KLHL20: variants seen among roughly 807,000 people sequenced by gnomAD.
KLHL20 encodes the protein kelch like family member 20, also known as kelch-like protein 20.
A neutral mutation model predicts 69.5 loss-of-function variants in KLHL20; 29 were observed. The ratio of observed to expected loss-of-function variants is 0.42; its 90% confidence interval spans 0.31 to 0.57. KLHL20 has a LOEUF of 0.57. Ranked by LOEUF, KLHL20 falls within the 20% of genes least tolerant of loss-of-function variation. KLHL20 has a pLI of 0.18. For missense variants in KLHL20, 419 were observed against 776.0 expected (o/e 0.54, Z 5.47); for synonymous variants, 253 against 265.2 (o/e 0.95, Z 0.45).
At chr1:173,778,893 C>G (rs546412369) in intron 10 of KLHL20, among the ~76,000 whole-genome samples, 2 of 151,802 alleles carry the variant, frequency 1.3e-5, no homozygotes, top group African/African-American at 4.8e-5. Context: ...TTTTGTTTAT[C>G]TTTCAAAAGT....
rs777436353 is a variant in KLHL20, at chr1:173,785,251, C to CAG, written c.*8_*9dup. 1.9e-6 allele frequency: 3 copies of CAG among 1,602,178 alleles called. No homozygotes were observed. The highest frequency in any genetic ancestry group is 2.6e-6 in the Non-Finnish European group (3 of 1,171,940). ...TTGTGAATCCCATATTTGGTGAACACAGAGAAGACAGTCTTGTATATATTC... is the reference window on the plus strand; with the variant it reads ...TTGTGAATCCCATATTTGGTGAACACAGAGAGAAGACAGTCTTGTATATATTC... On this transcript the variant is annotated 3_prime_UTR_variant, in exon 12 of 12. Coordinates refer to ENST00000209884, the MANE Select transcript of KLHL20 (RefSeq NM_014458.4).
chr1:173,732,493 G>T (rs1672333195), intron 2 of KLHL20, among the ~76,000 whole-genome samples: 1 of 152,108 alleles, frequency 6.6e-6, no homozygotes, highest in Non-Finnish European at 1.5e-5. Flanking sequence ...GTTTACGAGG[G>T]GAAGCAGTGA....
chr1:173,756,122 G>A, intron 6 of KLHL20, 84 bp downstream of exon 6: 1 of 918,880 alleles, frequency 1.1e-6, no homozygotes, highest in South Asian at 1.5e-5. Flanking sequence ...GGACAATTAT[G>A]ATATTTACTG....
intron 3 of KLHL20, among the ~76,000 whole-genome samples, chr1:173,749,225 A>C (rs1329974866): frequency 6.6e-6 from 1 of 152,180 alleles, no homozygotes; most frequent in Non-Finnish European, 1.5e-5. Flanking sequence ...TCTGCTCATA[A>C]ACATACATTT....
chr1:173,750,085 A>G (rs988194610), intron 3 of KLHL20, among the ~76,000 whole-genome samples: 1 of 152,170 alleles, frequency 6.6e-6, no homozygotes, highest in African/African-American at 2.4e-5. Context: ...AAATGCAACC[A>G]TTCTAATTAC....
At chr1:173,781,956 C>A in intron 10 of KLHL20, 168 bp from the exon 11 acceptor site, 1 of 529,666 alleles carries the variant, frequency 1.9e-6, no homozygotes, top group Non-Finnish European at 3.4e-6. Flanking sequence ...TTTATAGTTC[C>A]CATAATTTGA....
chr1:173,724,195 TG>T (rs1447832336), intron 2 of KLHL20, among the ~76,000 whole-genome samples: 1 of 150,232 alleles, frequency 6.7e-6, no homozygotes, highest in African/African-American at 2.5e-5. Flanking sequence ...TTTTTAGAGA[TG>T]GGGCCTCACT....
At chr1:173,726,401 G>C (rs1671962914) in intron 2 of KLHL20, among the ~76,000 whole-genome samples, 1 of 152,032 alleles carries the variant, frequency 6.6e-6, no homozygotes, top group African/African-American at 2.4e-5. Context: ...GAAGAGAGTA[G>C]TGGTTCTCCC....
intron 3 of KLHL20, among the ~76,000 whole-genome samples, chr1:173,750,729 ATT>A (rs897460562): frequency 4.6e-5 from 7 of 150,924 alleles, no homozygotes; most frequent in Non-Finnish European, 8.9e-5. Flanking sequence ...TAATTTTTTT[ATT>A]TTTTATTTTT....
intron 2 of KLHL20, among the ~76,000 whole-genome samples, chr1:173,719,183 G>T (rs1406578553): frequency 6.6e-6 from 1 of 151,594 alleles, no homozygotes; most frequent in Non-Finnish European, 1.5e-5. Context: ...TAGTTATGTA[G>T]TATTCCATTG....
At position 173,733,953 on chromosome 1, in the gene KLHL20, C is replaced by T. The variant is rs1309383239; in HGVS notation, c.264C>T (p.Ala88=). ...ATGCCCATCGAGTCATTTTGTCAGC[C>T]TGTAGTCCCTACTTCCGAGCTATGT... ...KIYAHRVILS[A]CSPYFRAMFT... Residue 88 remains alanine, a synonymous_variant, in exon 3 of 12, where the codon GCC becomes GCT. Coordinates refer to ENST00000209884, the MANE Select transcript of KLHL20 (RefSeq NM_014458.4). The T allele has an allele frequency of 1.2e-6, 2 of 1,614,154 alleles. No individual in the cohort carries two copies.
chr1:173,784,749 A>AT (rs1464760514), intron 11 of KLHL20, among the ~76,000 whole-genome samples: 2 of 152,246 alleles, frequency 1.3e-5, no homozygotes, highest in African/African-American at 2.4e-5. Context: ...AGGGATAAAA[A>AT]TAAATAATTG....
chr1:173,741,813 T>G, intron 3 of KLHL20: 1 of 1,577,308 alleles, frequency 6.3e-7, no homozygotes, highest in Non-Finnish European at 8.6e-7. Flanking sequence ...CACCATGGTC[T>G]TTAGCCATGC....
intron 3 of KLHL20, among the ~76,000 whole-genome samples, chr1:173,739,716 A>G (rs561888434): frequency 2.9e-5 from 4 of 139,978 alleles, no homozygotes; most frequent in African/African-American, 1.1e-4. Flanking sequence ...CAGTGGTGCA[A>G]TCTCAGCTCA....
intron 8 of KLHL20, among the ~76,000 whole-genome samples, chr1:173,773,435 T>A (rs544846730): frequency 1.3e-5 from 2 of 149,584 alleles, no homozygotes; most frequent in African/African-American, 4.9e-5. Flanking sequence ...TAAATATTAA[T>A]TAAATAAATA....
At chr1:173,727,115 G>A (rs1158010995) in intron 2 of KLHL20, among the ~76,000 whole-genome samples, 1 of 152,032 alleles carries the variant, frequency 6.6e-6, no homozygotes, top group African/African-American at 2.4e-5. Context: ...AGCCTCAGTA[G>A]CTGATTCAAT....
chr1:173,780,342 T>C (rs868803388), intron 10 of KLHL20, among the ~76,000 whole-genome samples: 3 of 152,246 alleles, frequency 2.0e-5, no homozygotes, highest in Non-Finnish European at 4.4e-5. Flanking sequence ...AGTAGTGTTA[T>C]ATATTTTATA....
In KLHL20 at chr1:173,785,260, C is replaced by G; in HGVS notation, c.*13C>G. 1.3e-6 allele frequency: 2 copies of G among 1,592,418 alleles called. No individual in the cohort carries two copies. Among genetic ancestry groups the G allele is most frequent in the Non-Finnish European group, 1.7e-6 (2 of 1,163,928 alleles). On this transcript the variant is annotated 3_prime_UTR_variant, in exon 12 of 12. Transcript: ENST00000209884. The stretch of plus-strand genomic sequence containing the variant: ...CCATATTTGGTGAACACAGAGAAGA[C>G]AGTCTTGTATATATTCCTCTGTATT...
chr1:173,727,355 A>G (rs896169956), intron 2 of KLHL20, among the ~76,000 whole-genome samples: 1 of 152,220 alleles, frequency 6.6e-6, no homozygotes, highest in Non-Finnish European at 1.5e-5. Flanking sequence ...AACTTCCCCA[A>G]TCGAGCAAGG....
Sources: gnomAD v4.1 joint callset for allele counts (sites outside exome capture counted in the v4.1 genomes callset) on GRCh38, gnomAD v4.1.1 for gene constraint, MANE v1.5 for transcripts, NCBI Gene and HGNC (gene_info 2026-07-23, HGNC 2026-07-21) for gene names.